The following GLTPD2 variants were observed in gnomAD, a reference collection of about 807,000 sequenced individuals.
The protein encoded by GLTPD2 is glycolipid transfer protein domain-containing protein 2.
Under a neutral mutation model 12.9 loss-of-function variants are expected in GLTPD2, and 12 were observed. The observed-to-expected ratio is 0.93, with a 90% CI of 0.59 to 1.50. The LOEUF (loss-of-function observed/expected upper bound fraction) is 1.50, where lower values mean the gene tolerates loss of function less well. Ranked by LOEUF, GLTPD2 falls within the 40% of genes most tolerant of loss-of-function variation. The probability of loss-of-function intolerance (pLI) is 0.00; values close to 1 mark genes in which losing one functional copy is unlikely to be tolerated. For synonymous variants in GLTPD2, 199 were observed against 205.6 expected, an observed-to-expected ratio of 0.97 and a Z score of 0.27; for missense variants, 450 against 426.2, an observed-to-expected ratio of 1.06 and a Z score of -0.49.
At position 4,789,935 on chromosome 17, in the gene GLTPD2, G is replaced by C; in HGVS notation, c.515G>C (p.Arg172Pro). The change falls in exon 4 of 4, where the codon CGG (arginine) becomes CCG (proline). Residue 172 changes from arginine to proline, a missense_variant. Transcript: ENST00000331264. ...CTGGAGCAGCCGGGGGCGGCCCCCC[G>C]GGACCCGACCCGGAGCTCGGGCTCT... ...GLLEQPGAAPRDPTRSSGSRT... is the reference protein window; with the variant it reads ...GLLEQPGAAPPDPTRSSGSRT... 1 of 1,541,284 alleles carries C rather than the reference G, an allele frequency of 6.5e-7. No homozygotes were observed. The highest frequency in any genetic ancestry group is 8.7e-7 in the Non-Finnish European group (1 of 1,144,834).
Position 4,789,650 on chromosome 17 carries a change from A to C in GLTPD2, c.311A>C (p.Tyr104Ser), listed in dbSNP as rs1046952913. Residue 104 changes from tyrosine to serine, a missense_variant, in exon 3 of 4, where the codon TAC (tyrosine) becomes TCC (serine). Coordinates refer to ENST00000331264, the MANE Select transcript of GLTPD2 (RefSeq NM_001014985.3). ...KPEGDVGLSP[Y>S]LAGWRALVEF... ...GAAGGGGATGTGGGGCTGTCGCCGT[A>C]CCTGGCGGGATGGAGGGCACTCGTC... 6.2e-7 allele frequency: 1 copy of C among 1,613,486 alleles called. No individual in the cohort carries two copies. The highest frequency in any genetic ancestry group is 1.3e-5 in the African/African-American group (1 of 75,038).
At position 4,789,155 on chromosome 17, in the gene GLTPD2, C is replaced by G. The variant is rs566943409; in HGVS notation, c.106+38C>G. On this transcript the variant is annotated intron_variant, in intron 1 of 3. Coordinates refer to ENST00000331264, the MANE Select transcript of GLTPD2 (RefSeq NM_001014985.3). ...TTCCCTCACTTGCTCCGGGAGGAAG[C>G]CCGGAATCCAGGCCCTCACGACTCA... is the stretch of plus-strand genomic sequence containing the variant. The G allele has an allele frequency of 2.7e-5, 44 of 1,609,646 alleles. 1 individual carries two copies. The South Asian group carries it at 4.6e-4, about 17-fold the overall frequency.
In GLTPD2 at chr17:4,790,352, GC is replaced by G. The variant is rs985285326; in HGVS notation, c.*57del. 3.0e-6 allele frequency: 4 copies of G among 1,343,482 alleles called. No homozygotes were observed. The Admixed American group carries it at 1.5e-4, about 51-fold the overall frequency. 83.2% of individuals were successfully genotyped at this position (1,343,482 alleles called of 1,614,324 possible). A position where few individuals can be genotyped will look rare whatever the true frequency, so the allele number is the denominator to read the frequency against. ...AGCGGACCGCCCGGGGTGGGGCCGC[GC>G]AGCCCGGGGTCAGTCCTGCAGCCCG... On this transcript the variant is annotated 3_prime_UTR_variant, in exon 4 of 4. Transcript: ENST00000331264.
At chr17:4,789,380 G>A in intron 2 of GLTPD2, 90 bp downstream of exon 2, 1 of 1,512,660 alleles carries the variant, frequency 6.6e-7, no homozygotes, top group Non-Finnish European at 9.0e-7. Context: ...GCAAAGGGCG[G>A]GTCCTCCCCC....
At chr17:4,789,383 CCT>C in intron 2 of GLTPD2, 93 bp downstream of exon 2, 2 of 1,508,502 alleles carry the variant, frequency 1.3e-6, no homozygotes, top group South Asian at 2.5e-5. Flanking sequence ...AAGGGCGGGT[CCT>C]CCCCCGGTCT....
rs1366339842 is a variant in GLTPD2 at position 4,789,965 on chromosome 17, C to T, written c.545C>T (p.Thr182Met). The change falls in exon 4 of 4, where the codon ACG becomes ATG. Residue 182 changes from threonine to methionine, a missense_variant. Physicochemically the swap from Thr to Met is moderately conservative, Grantham distance 81 (BLOSUM62 -1). Coordinates refer to ENST00000331264, the MANE Select transcript of GLTPD2 (RefSeq NM_001014985.3). ...CCGACCCGGAGCTCGGGCTCTCGCACGCTGCTCCTGCTGCACCGCGCGCTG... is the reference window on the plus strand; with the variant it reads ...CCGACCCGGAGCTCGGGCTCTCGCATGCTGCTCCTGCTGCACCGCGCGCTG... ...RDPTRSSGSR[T>M]LLLLHRALRW... is the part of the protein sequence containing the mutation. 2.0e-6 allele frequency: 3 copies of T among 1,534,630 alleles called. No homozygotes were observed. The highest frequency in any genetic ancestry group is 1.7e-6 in the Non-Finnish European group (2 of 1,143,846).
Position 4,789,807 on chromosome 17 carries a change from C to A in GLTPD2, c.387C>A (p.Ala129=). 1.9e-6 allele frequency: 3 copies of A among 1,612,320 alleles called. No homozygotes were observed. The highest frequency in any genetic ancestry group is 2.5e-6 in the Non-Finnish European group (3 of 1,179,328). ...GSVFAFATRE[A]FTKVTDLEAR... is the part of the protein sequence containing the mutation. ...TCTTCGCCTTCGCCACTAGGGAGGC[C>A]TTCACCAAGGTGACAGACCTGGAGG... The change falls in exon 4 of 4, where the codon GCC becomes GCA. Residue 129 remains alanine, a synonymous_variant. Coordinates refer to ENST00000331264, the MANE Select transcript of GLTPD2 (RefSeq NM_001014985.3).
At position 4,790,066 on chromosome 17, in the gene GLTPD2, G is replaced by A. The variant is rs1208329746; in HGVS notation, c.646G>A (p.Asp216Asn). ...GGPDAGVQCS[D>N]AYRAALGPHH... is the part of the protein sequence containing the mutation. ...CCCGGACGCGGGCGTGCAGTGCAGC[G>A]ACGCCTACCGTGCGGCCCTGGGTCC... The change falls in exon 4 of 4, where the codon GAC becomes AAC. Residue 216 changes from aspartate to asparagine, a missense_variant. Asp to Asn is a conservative substitution (Grantham distance 23, BLOSUM62 1). Coordinates refer to ENST00000331264, the MANE Select transcript of GLTPD2 (RefSeq NM_001014985.3). The A allele has an allele frequency of 7.1e-7, 1 of 1,408,084 alleles. No homozygotes were observed. Among genetic ancestry groups the A allele is most frequent in the East Asian group, 2.9e-5 (1 of 33,918 alleles). The allele number at this position is 1,408,084 out of a possible 1,614,324, so 87.2% of individuals were successfully genotyped here. A position where few individuals can be genotyped will look rare whatever the true frequency, so the allele number is the denominator to read the frequency against.
chr17:4,788,965 C>G lies in GLTPD2; in HGVS notation c.-47C>G, dbSNP rs1917582277. ...GTCCCCTCCTGGAGGCGGAGGGACA[C>G]GGACTGGCTAGGCGCTGGTGAGGGG... On this transcript the variant is annotated 5_prime_UTR_variant, in exon 1 of 4. Coordinates refer to ENST00000331264, the MANE Select transcript of GLTPD2 (RefSeq NM_001014985.3). 6.3e-7 allele frequency: 1 copy of G among 1,579,010 alleles called. No individual in the cohort carries two copies. The highest frequency in any genetic ancestry group is 8.6e-7 in the Non-Finnish European group (1 of 1,166,758).
In GLTPD2 at chr17:4,789,302, G is replaced by A. The variant is rs1268162037; in HGVS notation, c.171+12G>A. The A allele has an allele frequency of 1.9e-6, 3 of 1,570,228 alleles. No individual in the cohort carries two copies. Among genetic ancestry groups the A allele is most frequent in the Non-Finnish European group, 2.6e-6 (3 of 1,159,182 alleles). ...CGGCGCCCTTCCAGGTACGCTAGGC[G>A]CAGGATTGGGCGCGGGCGCTCCAGG... On this transcript the variant is annotated intron_variant, in intron 2 of 3. Transcript: ENST00000331264.
chr17:4,790,281 G>C lies in GLTPD2; in HGVS notation c.861G>C (p.Leu287=). 1 of 1,477,660 alleles carries C rather than the reference G, an allele frequency of 6.8e-7. No individual in the cohort carries two copies. The highest frequency in any genetic ancestry group is 2.4e-4 in the Middle Eastern group (1 of 4,216). 91.5% of individuals were successfully genotyped at this position (1,477,660 alleles called of 1,614,324 possible). A position where few individuals can be genotyped will look rare whatever the true frequency, so the allele number is the denominator to read the frequency against. The change falls in exon 4 of 4, where the codon CTG becomes CTC. Residue 287 remains leucine (L), a synonymous_variant. Coordinates refer to ENST00000331264, the MANE Select transcript of GLTPD2 (RefSeq NM_001014985.3). The part of the protein sequence containing the change: ...RTQSLLAERG[L]LQLA ...AGAGCCTGCTGGCCGAGCGCGGCCT[G>C]CTCCAGCTGGCCTAAGACGGCGGCT... is the stretch of plus-strand genomic sequence containing the variant.
Position 4,789,621 on chromosome 17 carries a change from A to G in GLTPD2, c.282A>G (p.Lys94=). The G allele has an allele frequency of 6.2e-7, 1 of 1,613,802 alleles. No individual in the cohort carries two copies. Among genetic ancestry groups the G allele is most frequent in the Non-Finnish European group, 8.5e-7 (1 of 1,179,976 alleles). ...TGAGGCGGTTCCACGCCAGTCTGAA[A>G]CCCGAAGGGGATGTGGGGCTGTCGC... ...RMMRRFHASL[K]PEGDVGLSPY... is the part of the protein sequence containing the mutation. Residue 94 remains lysine (K), a synonymous_variant, in exon 3 of 4, where the codon AAA becomes AAG. Coordinates refer to ENST00000331264, the MANE Select transcript of GLTPD2 (RefSeq NM_001014985.3).
In GLTPD2 at chr17:4,789,108, C is replaced by T. The variant is rs991390105; in HGVS notation, c.97C>T (p.Arg33Trp). Residue 33 changes from arginine to tryptophan, a missense_variant, in exon 1 of 4, where the codon CGG (arginine) becomes TGG (tryptophan). Arg to Trp is a moderately radical substitution (Grantham distance 101, BLOSUM62 -3). Coordinates refer to ENST00000331264, the MANE Select transcript of GLTPD2 (RefSeq NM_001014985.3). ...FALLLLYLSV[R>W]SLGARSGCGP... Reference sequence around the variant, plus strand: ...GCTGCTGCTGCTTTATCTCAGTGTTCGGAGCCTAGGTGAGCTGCCCCTTCC... The same window carrying T: ...GCTGCTGCTGCTTTATCTCAGTGTTTGGAGCCTAGGTGAGCTGCCCCTTCC... 1 of 1,613,728 alleles carries T rather than the reference C, an allele frequency of 6.2e-7. No homozygotes were observed. The highest frequency in any genetic ancestry group is 8.5e-7 in the Non-Finnish European group (1 of 1,179,850).
chr17:4,789,316 G>A lies in GLTPD2; in HGVS notation c.171+26G>A, dbSNP rs1432089070. The A allele has an allele frequency of 2.6e-6, 4 of 1,551,924 alleles. No individual in the cohort carries two copies. The Admixed American group carries it at 6.0e-5, about 23-fold the overall frequency. On this transcript the variant is annotated intron_variant, in intron 2 of 3. Transcript: ENST00000331264. ...GTACGCTAGGCGCAGGATTGGGCGCGGGCGCTCCAGGAGGGACCAGAACAG... is the reference window on the plus strand; with the variant it reads ...GTACGCTAGGCGCAGGATTGGGCGCAGGCGCTCCAGGAGGGACCAGAACAG...
Position 4,789,972 on chromosome 17 carries a change from C to T in GLTPD2, c.552C>T (p.Leu184=), listed in dbSNP as rs890219001. ...GGAGCTCGGGCTCTCGCACGCTGCT[C>T]CTGCTGCACCGCGCGCTGCGCTGGT... The part of the protein sequence containing the change: ...PTRSSGSRTL[L]LLHRALRWSQ... Residue 184 remains leucine (L), a synonymous_variant, in exon 4 of 4, where the codon CTC becomes CTT. Transcript: ENST00000331264. 6.6e-6 allele frequency: 10 copies of T among 1,524,164 alleles called. No homozygotes were observed. In the African/African-American group the frequency reaches 1.4e-4, roughly 22 times the overall value. 94.4% of individuals were successfully genotyped at this position (1,524,164 alleles called of 1,614,324 possible).
rs182841382 is a variant in GLTPD2, at chr17:4,789,124, T to G, written c.106+7T>G. On this transcript the variant is annotated splice_region_variant and intron_variant, in intron 1 of 3. Transcript: ENST00000331264. ...CTCAGTGTTCGGAGCCTAGGTGAGC[T>G]GCCCCTTCCCTCACTTGCTCCGGGA... 4 of 1,613,368 alleles carry G rather than the reference T, an allele frequency of 2.5e-6. No individual in the cohort carries two copies. The highest frequency in any genetic ancestry group is 3.4e-6 in the Non-Finnish European group (4 of 1,179,712).
intron 2 of GLTPD2, 108 bp downstream of exon 2, chr17:4,789,398 C>A: frequency 1.3e-6 from 2 of 1,510,784 alleles, no homozygotes; most frequent in Non-Finnish European, 1.8e-6. Flanking sequence ...CCCGGTCTAC[C>A]CTCTCCCGTC....
chr17:4,789,583 C>G lies in GLTPD2; in HGVS notation c.244C>G (p.Leu82Val), dbSNP rs778565786. The G allele has an allele frequency of 4.9e-5, 79 of 1,613,890 alleles. No individual in the cohort carries two copies. In the South Asian group the frequency reaches 7.9e-4, roughly 16 times the overall value. ...QPPCLGPRGMLGRMMRRFHAS... is the reference protein window; with the variant it reads ...QPPCLGPRGMVGRMMRRFHAS... ...TCCGTGTCTGGGCCCTCGGGGGATG[C>G]TGGGCCGCATGATGAGGCGGTTCCA... is the stretch of plus-strand genomic sequence containing the variant. Residue 82 changes from leucine to valine, a missense_variant, in exon 3 of 4, where the codon CTG (leucine) becomes GTG (valine). Leu to Val is a conservative substitution (Grantham distance 32). Coordinates refer to ENST00000331264, the MANE Select transcript of GLTPD2 (RefSeq NM_001014985.3).
chr17:4,789,862 T>C lies in GLTPD2; in HGVS notation c.442T>C (p.Tyr148His). 1 of 1,596,830 alleles carries C rather than the reference T, an allele frequency of 6.3e-7. No homozygotes were observed. Among genetic ancestry groups the C allele is most frequent in the Non-Finnish European group, 8.5e-7 (1 of 1,172,408 alleles). The change falls in exon 4 of 4, where the codon TAC (tyrosine) becomes CAC (histidine). Residue 148 changes from tyrosine (Y) to histidine (H), a missense_variant. Tyr to His is a moderately conservative substitution (Grantham distance 83). Transcript: ENST00000331264. ...ARVHGPDAEH[Y>H]WSLVAMAAWE... is the part of the protein sequence containing the mutation. ...GGTGCACGGCCCGGACGCGGAGCACTACTGGTCGCTGGTGGCCATGGCGGC... is the reference window on the plus strand; with the variant it reads ...GGTGCACGGCCCGGACGCGGAGCACCACTGGTCGCTGGTGGCCATGGCGGC...
Sources: allele counts gnomAD v4.1 joint callset, GRCh38; gene constraint gnomAD v4.1.1; transcripts MANE v1.5; gene names NCBI Gene and HGNC (gene_info 2026-07-23, HGNC 2026-07-21).